RBFOX1: variants seen among roughly 807,000 people sequenced by gnomAD.
RBFOX1 encodes the protein RNA binding fox-1 homolog 1.
RBFOX1 carries 8 observed loss-of-function variants against 57.7 expected under a neutral mutation model. The observed-to-expected ratio is 0.14, with a 90% CI of 0.08 to 0.25. The LOEUF (loss-of-function observed/expected upper bound fraction) is 0.25. Ranked by LOEUF, RBFOX1 falls within the 10% of genes least tolerant of loss-of-function variation. The pLI is 1.00. For missense variants in RBFOX1, 611 were observed against 548.5 expected (o/e 1.11, Z -1.14); for synonymous variants, 326 against 222.4 (o/e 1.47, Z -4.15).
At chr16:7,278,222 G>T (rs181233331) in intron 4 of RBFOX1, among the ~76,000 whole-genome samples, 1 of 152,286 alleles carries the variant, frequency 6.6e-6, no homozygotes, top group Admixed American at 6.5e-5. Context: ...AAATTAACCA[G>T]TTGCAAATGT....
chr16:6,873,008 A>T (rs2061213100), intron 3 of RBFOX1, among the ~76,000 whole-genome samples: 1 of 152,144 alleles, frequency 6.6e-6, no homozygotes, highest in Non-Finnish European at 1.5e-5. Flanking sequence ...TTATAAAGAT[A>T]ATTAGATATA....
intron 4 of RBFOX1, among the ~76,000 whole-genome samples, chr16:7,131,570 C>T (rs181253722): frequency 1.1e-3 from 168 of 151,756 alleles, no homozygotes; most frequent in African/African-American, 3.7e-3. Flanking sequence ...GAGGTTTGAA[C>T]CATGTTCATT....
chr16:6,263,632 G>C (rs1475345623), intron 1 of RBFOX1, among the ~76,000 whole-genome samples: 1 of 152,138 alleles, frequency 6.6e-6, no homozygotes, highest in Non-Finnish European at 1.5e-5. Flanking sequence ...CTTCCTTGGA[G>C]CTTAGAGCTT....
intron 3 of RBFOX1, among the ~76,000 whole-genome samples, chr16:7,046,667 A>G (rs551503769): frequency 9.9e-5 from 13 of 131,034 alleles, no homozygotes; most frequent in Non-Finnish European, 1.7e-4. Context: ...GTGCAATGGC[A>G]TGATCTCGGC....
intron 3 of RBFOX1, among the ~76,000 whole-genome samples, chr16:5,810,502 A>C (rs941276974): frequency 1.3e-5 from 2 of 152,122 alleles, no homozygotes; most frequent in Non-Finnish European, 1.5e-5. Flanking sequence ...CTAGCAAACT[A>C]ATACACAGGC....
chr16:5,308,999 G>C (rs2064012038), intron 1 of RBFOX1, among the ~76,000 whole-genome samples: 2 of 152,028 alleles, frequency 1.3e-5, no homozygotes, highest in African/African-American at 4.8e-5. Context: ...TTTCTCCTTG[G>C]CTGATCCCTT....
At chr16:7,634,794 C>A (rs17144416) in intron 11 of RBFOX1, among the ~76,000 whole-genome samples, 1 of 152,180 alleles carries the variant, frequency 6.6e-6, no homozygotes, top group Non-Finnish European at 1.5e-5. Flanking sequence ...CATCCTCTTA[C>A]ACGTCCTAAT....
At chr16:5,557,961 T>TGGTAGTGAATAA (rs2045742605) in intron 2 of RBFOX1, among the ~76,000 whole-genome samples, 1 of 152,078 alleles carries the variant, frequency 6.6e-6, no homozygotes, top group East Asian at 2.0e-4. Flanking sequence ...AGAGTAAGCA[T>TGGTAGTGAATAA]GTCTGGATGC....
chr16:6,867,256 T>C (rs2060103356), intron 3 of RBFOX1, among the ~76,000 whole-genome samples: 1 of 152,156 alleles, frequency 6.6e-6, no homozygotes, highest in Admixed American at 6.5e-5. Flanking sequence ...CTTCCTTTTT[T>C]TTCCTTTCTG....
chr16:7,205,245 T>G (rs922109390), intron 4 of RBFOX1, among the ~76,000 whole-genome samples: 13 of 151,838 alleles, frequency 8.6e-5, no homozygotes, highest in South Asian at 2.1e-4. Context: ...GGGCGGGGCG[T>G]GGCGGCTCAC....
At chr16:5,314,374 C>G (rs2064174599) in intron 1 of RBFOX1, among the ~76,000 whole-genome samples, 1 of 152,248 alleles carries the variant, frequency 6.6e-6, no homozygotes, top group Non-Finnish European at 1.5e-5. Context: ...AGCTCTGCCT[C>G]TGGAGCTGCT....
chr16:6,801,985 T>G (rs904771662), intron 3 of RBFOX1, among the ~76,000 whole-genome samples: 1 of 152,076 alleles, frequency 6.6e-6, no homozygotes, highest in Non-Finnish European at 1.5e-5. Flanking sequence ...CCTTATCTTG[T>G]CTCGTGCTAA....
intron 2 of RBFOX1, among the ~76,000 whole-genome samples, chr16:6,531,449 T>A (rs1275176197): frequency 6.6e-6 from 1 of 152,244 alleles, no homozygotes; most frequent in African/African-American, 2.4e-5. Flanking sequence ...GACCTATGGA[T>A]GTCCTGATTA....
chr16:6,112,352 C>T (rs2096455851), intron 1 of RBFOX1, among the ~76,000 whole-genome samples: 1 of 152,110 alleles, frequency 6.6e-6, no homozygotes, highest in Non-Finnish European at 1.5e-5. Flanking sequence ...TCAAAGTTTA[C>T]CTTGACATGT....
intron 1 of RBFOX1, among the ~76,000 whole-genome samples, chr16:6,145,792 A>C (rs2096753444): frequency 6.6e-6 from 1 of 152,212 alleles, no homozygotes; most frequent in Non-Finnish European, 1.5e-5. Flanking sequence ...TGCAAAGGAA[A>C]AAAAGAAAAA....
At chr16:6,834,727 C>G (rs544849939) in intron 3 of RBFOX1, among the ~76,000 whole-genome samples, 1 of 152,214 alleles carries the variant, frequency 6.6e-6, no homozygotes, top group East Asian at 1.9e-4. Context: ...TAAGCGTCCT[C>G]TCTGACCTGC....
chr16:5,417,581 G>A (rs1022304651), intron 1 of RBFOX1, among the ~76,000 whole-genome samples: 5 of 152,202 alleles, frequency 3.3e-5, no homozygotes, highest in African/African-American at 1.2e-4. Flanking sequence ...AAAACAACCA[G>A]AAGAGAGCAA....
intron 4 of RBFOX1, among the ~76,000 whole-genome samples, chr16:7,180,145 T>C (rs115244780): frequency 0.014 from 2,180 of 152,292 alleles, 59 homozygotes; most frequent in African/African-American, 0.05. Context: ...GTTAGCCATT[T>C]TCTGCCTTGC....
At chr16:6,146,066 G>C (rs906825274) in intron 1 of RBFOX1, among the ~76,000 whole-genome samples, 48 of 152,116 alleles carry the variant, frequency 3.2e-4, no homozygotes, top group African/African-American at 1.2e-3. Context: ...GCTTTACATG[G>C]GGATCCAAGC....
Sources: allele counts gnomAD v4.1 joint callset (sites outside exome capture counted in the v4.1 genomes callset), GRCh38; gene constraint gnomAD v4.1.1; transcripts MANE v1.5; gene names NCBI Gene and HGNC (gene_info 2026-07-23, HGNC 2026-07-21).